DACH2: variants seen among roughly 807,000 people sequenced by gnomAD.
DACH2 encodes dachshund homolog 2.
Under a neutral mutation model 35.8 loss-of-function variants are expected in DACH2, and 17 were observed. The observed-to-expected ratio is 0.48, with a 90% CI of 0.33 to 0.71. DACH2 has a LOEUF of 0.71. DACH2 is among the 30% of genes least tolerant of loss of function. The pLI is 0.02. For missense variants in DACH2, 469 were observed against 472.7 expected (o/e 0.99, Z 0.07); for synonymous variants, 195 against 177.3 (o/e 1.10, Z -0.79).
Position 86,399,237 on chromosome X carries a change from G to C in DACH2, c.527+22375G>C, listed in dbSNP as rs368195312. On this transcript the variant is annotated intron_variant, in intron 2 of 11. Transcript: ENST00000373125. The stretch of plus-strand genomic sequence containing the variant: ...TTTTTTGTTTTCCATTTGCTTGGTA[G>C]ATCTTCCTCCATCCCTTTATTTTGA... Among the ~76,000 whole-genome samples, 51 of 111,418 alleles carry C rather than the reference G, an allele frequency of 4.6e-4. No individual in the cohort carries two copies. In the South Asian group the frequency reaches 0.013, roughly 28 times the overall value.
intron 1 of DACH2, among the ~76,000 whole-genome samples, chrX:86,176,962 C>T (rs1053589073): frequency 1.8e-5 from 2 of 111,285 alleles, no homozygotes; most frequent in Non-Finnish European, 3.8e-5. Context: ...TGTTTTAGCA[C>T]ATTACTATTT....
chrX:86,208,888 C>A (rs2032379182), intron 1 of DACH2, among the ~76,000 whole-genome samples: 1 of 111,720 alleles, frequency 9.0e-6, no homozygotes, highest in Non-Finnish European at 1.9e-5. Flanking sequence ...GTTTCTTCAT[C>A]TGAGTCCTTC....
chrX:86,368,270 G>A (rs2035834287), intron 1 of DACH2, among the ~76,000 whole-genome samples: 1 of 111,902 alleles, frequency 8.9e-6, no homozygotes, highest in South Asian at 3.7e-4. Context: ...GATATTCAAT[G>A]TTACATTTGT....
rs1345238527 is a variant in DACH2 at position 86,698,514 on chromosome X, G to GTTTTTTTTTTTTTTTTTTTTTTTTTT, written c.931+3339_931+3340insTTTTTTTTTTTTTTTTTTTTTTTTTT. On this transcript the variant is annotated intron_variant, in intron 5 of 11. Coordinates refer to ENST00000373125, the MANE Select transcript of DACH2 (RefSeq NM_053281.3). ...TTAATTTCTTCTTTTTGTTTTGTTA[G>GTTTTTTTTTTTTTTTTTTTTTTTTTT]TTTTGTGTTTTTTTTTTTTTTTTTT... Among the ~76,000 whole-genome samples, 5 of 34,343 alleles carry GTTTTTTTTTTTTTTTTTTTTTTTTTT rather than the reference G, an allele frequency of 1.5e-4. 1 individual carries two copies. The highest frequency in any genetic ancestry group is 2.0e-4 in the Non-Finnish European group (4 of 20,270). 29.8% of individuals were successfully genotyped at this position (34,343 alleles called of 115,157 possible). A position where few individuals can be genotyped will look rare whatever the true frequency, so the allele number is the denominator to read the frequency against.
At chrX:86,154,661 G>A (rs1029678262) in intron 1 of DACH2, among the ~76,000 whole-genome samples, 4 of 111,152 alleles carry the variant, frequency 3.6e-5, no homozygotes, top group Non-Finnish European at 7.6e-5. Context: ...TTCACCAAGC[G>A]GCTCTGTGAG....
At chrX:86,779,464 T>C (rs1052755281) in intron 7 of DACH2, among the ~76,000 whole-genome samples, 1 of 111,854 alleles carries the variant, frequency 8.9e-6, no homozygotes, top group Non-Finnish European at 1.9e-5. Flanking sequence ...GGATTTAAAA[T>C]TGAAGCTTCT....
At chrX:86,673,147 A>G (rs968814492) in intron 4 of DACH2, among the ~76,000 whole-genome samples, 8 of 110,177 alleles carry the variant, frequency 7.3e-5, no homozygotes, top group East Asian at 2.9e-4. Context: ...CATCCTGGCT[A>G]ACATGGTGAT....
chrX:86,618,771 C>T (rs2040037066), intron 3 of DACH2, among the ~76,000 whole-genome samples: 1 of 111,616 alleles, frequency 9.0e-6, no homozygotes, highest in African/African-American at 3.3e-5. Context: ...CTACAATTGC[C>T]TTATTTTTTT....
chrX:86,207,295 A>G (rs73512099), intron 1 of DACH2, among the ~76,000 whole-genome samples: 8,514 of 111,187 alleles, frequency 0.077, 794 homozygotes, highest in African/African-American at 0.26. Flanking sequence ...TTAGAACACA[A>G]ATCCATTGTA....
At chrX:86,443,174 A>G (rs1441072457) in intron 2 of DACH2, among the ~76,000 whole-genome samples, 1 of 111,957 alleles carries the variant, frequency 8.9e-6, no homozygotes, top group African/African-American at 3.2e-5. Context: ...TACAATATTA[A>G]TTAGTCCAAT....
chrX:86,686,564 C>T (rs1274534427), intron 4 of DACH2, among the ~76,000 whole-genome samples: 1 of 111,182 alleles, frequency 9.0e-6, no homozygotes, highest in African/African-American at 3.3e-5. Flanking sequence ...AACTTCTGCT[C>T]CAGGCAACAT....
chrX:86,801,263 A>G (rs1361511820), intron 7 of DACH2, among the ~76,000 whole-genome samples: 1 of 108,705 alleles, frequency 9.2e-6, no homozygotes, highest in Non-Finnish European at 1.9e-5. Context: ...TACATTGCCC[A>G]CGCTGGAGTG....
chrX:86,740,659 G>A (rs1185140093), intron 7 of DACH2, among the ~76,000 whole-genome samples: 2 of 108,592 alleles, frequency 1.8e-5, no homozygotes, highest in Non-Finnish European at 1.9e-5. Context: ...GTGGCATATT[G>A]GGAATTTTAG....
At chrX:86,583,910 G>A (rs752518651) in intron 3 of DACH2, among the ~76,000 whole-genome samples, 2 of 109,891 alleles carry the variant, frequency 1.8e-5, no homozygotes, top group Admixed American at 9.8e-5. Context: ...TCATTTTCTG[G>A]TTTGGTTATG....
rs760653008 is a variant in DACH2 at position 86,413,370 on chromosome X, G to C, written c.527+36508G>C. On this transcript the variant is annotated intron_variant, in intron 2 of 11. Coordinates refer to ENST00000373125, the MANE Select transcript of DACH2 (RefSeq NM_053281.3). Reference sequence around the variant, plus strand: ...CTGGTGGGCCTTATGGACAGGAATGGAGAAAAAGAATTTGCCAAGTCAGTG... The same window carrying C: ...CTGGTGGGCCTTATGGACAGGAATGCAGAAAAAGAATTTGCCAAGTCAGTG... Among the ~76,000 whole-genome samples the C allele has an allele frequency of 2.7e-5, 3 of 112,291 alleles. No homozygotes were observed. The East Asian group carries it at 8.4e-4, about 32-fold the overall frequency.
chrX:86,224,244 G>C (rs1452308485), intron 1 of DACH2, among the ~76,000 whole-genome samples: 2 of 111,263 alleles, frequency 1.8e-5, no homozygotes, highest in Non-Finnish European at 3.8e-5. Context: ...TGTTATTTAA[G>C]AGCATGTGTT....
chrX:86,697,675 A>G (rs1386493972), intron 5 of DACH2, among the ~76,000 whole-genome samples: 1 of 95,251 alleles, frequency 1.0e-5, no homozygotes, highest in Non-Finnish European at 2.1e-5. Flanking sequence ...AACCCTAAGA[A>G]AAAATCAAAA....
At chrX:86,320,166 C>G (rs188518199) in intron 1 of DACH2, among the ~76,000 whole-genome samples, 121 of 111,324 alleles carry the variant, frequency 1.1e-3, no homozygotes, top group Admixed American at 2.7e-3. Flanking sequence ...CATGCATGCA[C>G]CAAGGGTGTC....
chrX:86,474,871 T>A (rs1569414652), intron 2 of DACH2, among the ~76,000 whole-genome samples: 1 of 111,634 alleles, frequency 9.0e-6, no homozygotes, highest in Non-Finnish European at 1.9e-5. Flanking sequence ...GTAGCTGGGA[T>A]TACAGGTGCC....
Sources: gnomAD v4.1 joint callset for allele counts (sites outside exome capture counted in the v4.1 genomes callset) on GRCh38, gnomAD v4.1.1 for gene constraint, MANE v1.5 for transcripts, NCBI Gene and HGNC (gene_info 2026-07-23, HGNC 2026-07-21) for gene names.